The following BTG3 variants were observed in gnomAD, a reference collection of about 807,000 sequenced individuals.
BTG3 encodes the protein protein BTG3.
A neutral mutation model predicts 25.8 loss-of-function variants in BTG3; 4 were observed. The observed-to-expected ratio is 0.16, with a 90% CI of 0.08 to 0.36. The LOEUF (loss-of-function observed/expected upper bound fraction) is 0.36. Ranked by LOEUF, BTG3 falls within the 10% of genes least tolerant of loss-of-function variation. The pLI, the probability that BTG3 is intolerant of heterozygous loss-of-function variation, is 1.00. For synonymous variants in BTG3, 107 were observed against 99.9 expected, an observed-to-expected ratio of 1.07 and a Z score of -0.42; for missense variants, 201 against 304.9, an observed-to-expected ratio of 0.66 and a Z score of 2.54.
chr21:17,607,140 A>G (rs535704917), intron 2 of BTG3, among the ~76,000 whole-genome samples: 6 of 152,208 alleles, frequency 3.9e-5, no homozygotes, highest in Non-Finnish European at 8.8e-5. Flanking sequence ...TGACTCAGTA[A>G]TGATACTTCT....
At chr21:17,612,125 GA>G (rs2061736334) in intron 1 of BTG3, 1 of 152,330 alleles carries the variant, frequency 6.6e-6, no homozygotes, top group Non-Finnish European at 1.5e-5. Flanking sequence ...ACCCGCTCTT[GA>G]AAGAACCGCC....
At chr21:17,598,048 C>T (rs778533759) in intron 4 of BTG3, among the ~76,000 whole-genome samples, 3 of 151,988 alleles carry the variant, frequency 2.0e-5, no homozygotes, top group Non-Finnish European at 4.4e-5. Context: ...GCTGTTTGGT[C>T]AACAATTTTT....
At chr21:17,605,544 AC>A (rs1198955413) in intron 2 of BTG3, among the ~76,000 whole-genome samples, 2 of 152,178 alleles carry the variant, frequency 1.3e-5, no homozygotes, top group East Asian at 3.9e-4. Context: ...CATATCATAT[AC>A]TTATGATTAA....
At chr21:17,611,277 G>A (rs554261657) in intron 1 of BTG3, among the ~76,000 whole-genome samples, 1 of 152,262 alleles carries the variant, frequency 6.6e-6, no homozygotes, top group South Asian at 2.1e-4. Context: ...AAGCAAACAA[G>A]GAACCACACT....
At chr21:17,612,156 T>C (rs2061736886) in intron 1 of BTG3, 1 of 152,352 alleles carries the variant, frequency 6.6e-6, no homozygotes, top group Non-Finnish European at 1.5e-5. Flanking sequence ...GCCCAACTTC[T>C]GCAATCCCGG....
intron 4 of BTG3, 83 bp downstream of exon 4, chr21:17,598,534 T>C (rs955868826): frequency 3.4e-6 from 4 of 1,172,872 alleles, no homozygotes; most frequent in Non-Finnish European, 4.8e-6. Flanking sequence ...GTCAGAAACC[T>C]TGGGCAATGC....
At chr21:17,598,950 G>A in intron 3 of BTG3, 126 bp from the exon 4 acceptor site, 1 of 721,904 alleles carries the variant, frequency 1.4e-6, no homozygotes, top group Middle Eastern at 3.9e-4. Context: ...CACAGAACTT[G>A]ACCCTACACA....
chr21:17,609,044 A>T lies in BTG3; in HGVS notation c.101T>A (p.Leu34Ter). ...ATATTTTTCTTGAAGTATTAGGGTC[A>T]ATTTCTCAGCAAACCTCTCAACTGC... ...KEAVERFAEK[L>*]TLILQEKYKN... Residue 34 changes from leucine to a stop codon, truncating the protein, a stop_gained, in exon 2 of 5, where the codon TTG becomes TAG. Coordinates refer to ENST00000348354, the MANE Select transcript of BTG3 (RefSeq NM_006806.5). LOFTEE classifies it high-confidence loss of function. 6.2e-7 allele frequency: 1 copy of T among 1,614,082 alleles called. No individual in the cohort carries two copies. Among genetic ancestry groups the T allele is most frequent in the Non-Finnish European group, 8.5e-7 (1 of 1,179,980 alleles).
At chr21:17,602,928 A>C (rs1237093931) in intron 3 of BTG3, among the ~76,000 whole-genome samples, 2 of 152,222 alleles carry the variant, frequency 1.3e-5, no homozygotes, top group East Asian at 3.8e-4. Flanking sequence ...GTTTAGGATC[A>C]TTATATTGAA....
rs375113180 is a variant in BTG3, at chr21:17,594,080, A to G, written c.*13T>C. 1.1e-5 allele frequency: 18 copies of G among 1,610,754 alleles called. No individual in the cohort carries two copies. The highest frequency in any genetic ancestry group is 1.4e-5 in the Non-Finnish European group (17 of 1,178,098). On this transcript the variant is annotated 3_prime_UTR_variant, in exon 5 of 5. Coordinates refer to ENST00000348354, the MANE Select transcript of BTG3 (RefSeq NM_006806.5). ...TTTTTCTCAACATGACACCAACACA[A>G]TCAAAAACGAAGTTAGTGAGGTGCT... is the stretch of plus-strand genomic sequence containing the variant.
intron 3 of BTG3, among the ~76,000 whole-genome samples, chr21:17,599,608 T>C (rs958237152): frequency 4.6e-5 from 7 of 152,082 alleles, no homozygotes; most frequent in African/African-American, 1.4e-4. Context: ...GCCTCCTAAG[T>C]AGCTGGGATT....
At chr21:17,596,234 T>C (rs1424595747) in intron 4 of BTG3, among the ~76,000 whole-genome samples, 1 of 152,050 alleles carries the variant, frequency 6.6e-6, no homozygotes, top group East Asian at 1.9e-4. Context: ...TCCTAGTCTA[T>C]GGTTTGCCCA....
At chr21:17,604,766 C>G in intron 3 of BTG3, 94 bp downstream of exon 3, 1 of 1,407,826 alleles carries the variant, frequency 7.1e-7, no homozygotes, top group Non-Finnish European at 9.4e-7. Context: ...CAGCTCCTGG[C>G]CATAAAGATA....
intron 2 of BTG3, among the ~76,000 whole-genome samples, chr21:17,608,375 A>G (rs879296984): frequency 1.3e-4 from 20 of 150,166 alleles, no homozygotes; most frequent in Non-Finnish European, 2.4e-4. Context: ...CAATACCACA[A>G]AAAAAAAAAA....
intron 1 of BTG3, chr21:17,611,573 T>TTACA (rs2061724957): frequency 6.6e-6 from 1 of 150,476 alleles, no homozygotes; most frequent in African/African-American, 2.5e-5. Flanking sequence ...AGAGGGAGAG[T>TTACA]TACAGTCAGG....
intron 3 of BTG3, among the ~76,000 whole-genome samples, chr21:17,603,361 T>G (rs979061936): frequency 1.3e-5 from 2 of 152,152 alleles, no homozygotes; most frequent in Non-Finnish European, 2.9e-5. Flanking sequence ...AAAGAAGTAT[T>G]GGAGAATGTT....
chr21:17,598,605 T>C lies in BTG3; in HGVS notation c.519+12A>G. 1.2e-6 allele frequency: 2 copies of C among 1,612,076 alleles called. No individual in the cohort carries two copies. Among genetic ancestry groups the C allele is most frequent in the Non-Finnish European group, 1.7e-6 (2 of 1,178,396 alleles). On this transcript the variant is annotated intron_variant, in intron 4 of 4. Coordinates refer to ENST00000348354, the MANE Select transcript of BTG3 (RefSeq NM_006806.5). ...GCACATCCCTTTAAAACTGAGCTGTTTTCATGGTTACCTGGTACACAGGAC... is the reference window on the plus strand; with the variant it reads ...GCACATCCCTTTAAAACTGAGCTGTCTTCATGGTTACCTGGTACACAGGAC...
In BTG3 at chr21:17,598,803, T is replaced by C. The variant is rs779525659; in HGVS notation, c.333A>G (p.Ala111=). 7.4e-6 allele frequency: 12 copies of C among 1,613,958 alleles called. No individual in the cohort carries two copies. The highest frequency in any genetic ancestry group is 2.7e-5 in the African/African-American group (2 of 74,940). Residue 111 remains alanine, a synonymous_variant, in exon 4 of 5, where the codon GCA becomes GCG. Coordinates refer to ENST00000348354, the MANE Select transcript of BTG3 (RefSeq NM_006806.5). ...TATTTTCAAAGCTGGCAACAATGAATGCATTGTTTTTCTCTCCATACCTAA... is the reference window on the plus strand; with the variant it reads ...TATTTTCAAAGCTGGCAACAATGAACGCATTGTTTTTCTCTCCATACCTAA... The part of the protein sequence containing the change: ...VCCRYGEKNN[A]FIVASFENKD...
chr21:17,605,190 A>C, intron 2 of BTG3, 193 bp from the exon 3 acceptor site: 1 of 571,754 alleles, frequency 1.7e-6, no homozygotes, highest in African/African-American at 1.9e-5. Flanking sequence ...TGAAAAAAAG[A>C]TGGCACCTAT....
Sources: gnomAD v4.1 joint callset for allele counts (sites outside exome capture counted in the v4.1 genomes callset) on GRCh38, gnomAD v4.1.1 for gene constraint, MANE v1.5 for transcripts, NCBI Gene and HGNC (gene_info 2026-07-23, HGNC 2026-07-21) for gene names.